Variants in UFC1 observed in about 807,000 individuals in gnomAD.
UFC1 encodes ubiquitin-fold modifier conjugating enzyme 1.
UFC1 carries 22 observed loss-of-function variants against 28.0 expected under a neutral mutation model. That is an observed-to-expected ratio of 0.78 (90% confidence interval 0.56 to 1.12). The LOEUF (loss-of-function observed/expected upper bound fraction) is 1.12, where lower values mean the gene tolerates loss of function less well. Among genes scored for constraint, UFC1 ranks in the 50% most tolerant of loss-of-function variants. The pLI, the probability that UFC1 is intolerant of heterozygous loss-of-function variation, is 0.00. For synonymous variants in UFC1, 61 were observed against 74.5 expected, an observed-to-expected ratio of 0.82 and a Z score of 0.93; for missense variants, 189 against 207.8, an observed-to-expected ratio of 0.91 and a Z score of 0.56.
chr1:161,154,261 C>T (rs1657445355), intron 1 of UFC1, 141 bp downstream of exon 1: 1 of 1,383,174 alleles, frequency 7.2e-7, no homozygotes, highest in Admixed American at 2.1e-5. Context: ...TATTGTGGGG[C>T]TCGGGGACTA....
At chr1:161,157,991 G>T in intron 4 of UFC1, 130 bp from the exon 5 acceptor site, 1 of 817,486 alleles carries the variant, frequency 1.2e-6, no homozygotes, top group Non-Finnish European at 2.0e-6. Flanking sequence ...CCTTTGCTGA[G>T]CCTAAGCAAA....
intron 3 of UFC1, 61 bp downstream of exon 3, chr1:161,157,378 TA>T: frequency 6.3e-7 from 1 of 1,589,662 alleles, no homozygotes; most frequent in Non-Finnish European, 8.6e-7. Context: ...AGATGATGGG[TA>T]ACAAGCTATC....
At position 161,158,586 on chromosome 1, in the gene UFC1, C is replaced by T. The variant is rs1216269669; in HGVS notation, c.*94C>T. Reference sequence around the variant, plus strand: ...CACTTAACTCATCTAACTGCTTCCCCGGACACCCTCCACCTCTAGTTGTTA... The same window carrying T: ...CACTTAACTCATCTAACTGCTTCCCTGGACACCCTCCACCTCTAGTTGTTA... On this transcript the variant is annotated 3_prime_UTR_variant, in exon 6 of 6. Coordinates refer to ENST00000368003, the MANE Select transcript of UFC1 (RefSeq NM_016406.4). The T allele has an allele frequency of 2.2e-6, 3 of 1,335,602 alleles. No individual in the cohort carries two copies. The highest frequency in any genetic ancestry group is 1.4e-5 in the African/African-American group (1 of 69,354). The allele number at this position is 1,335,602 out of a possible 1,614,324, so 82.7% of individuals were successfully genotyped here.
Position 161,158,761 on chromosome 1 carries a change from T to TG in UFC1, c.*270dup. ...ATATCCGCCCCCAGGTGGAGCAACA[T>TG]GCGATTCTGGAGGCACGGGGGTAAC... On this transcript the variant is annotated 3_prime_UTR_variant, in exon 6 of 6. Coordinates refer to ENST00000368003, the MANE Select transcript of UFC1 (RefSeq NM_016406.4). 1 of 470,098 alleles carries TG rather than the reference T, an allele frequency of 2.1e-6. No homozygotes were observed. The highest frequency in any genetic ancestry group is 3.9e-6 in the Non-Finnish European group (1 of 255,776). 29.1% of individuals were successfully genotyped at this position (470,098 alleles called of 1,614,324 possible).
intron 1 of UFC1, among the ~76,000 whole-genome samples, chr1:161,155,142 A>G (rs2101788867): frequency 6.6e-6 from 1 of 152,364 alleles, no homozygotes; most frequent in Middle Eastern, 3.4e-3. Context: ...GGACAGATAT[A>G]AAGCGAGAAA....
intron 1 of UFC1, among the ~76,000 whole-genome samples, chr1:161,156,455 C>T (rs1657507171): frequency 1.4e-5 from 2 of 146,510 alleles, no homozygotes; most frequent in South Asian, 2.2e-4. Context: ...AGGAGAATGG[C>T]GTGAACCCAG....
At chr1:161,155,379 G>A (rs901740829) in intron 1 of UFC1, among the ~76,000 whole-genome samples, 3 of 152,238 alleles carry the variant, frequency 2.0e-5, no homozygotes, top group African/African-American at 7.2e-5. Flanking sequence ...AAGAAACAAA[G>A]TAGCTCAGAG....
intron 4 of UFC1, 111 bp downstream of exon 4, chr1:161,157,804 TG>T (rs1657578300): frequency 2.8e-5 from 25 of 891,188 alleles, no homozygotes; most frequent in Non-Finnish European, 4.4e-5. Context: ...GCTTGATGTC[TG>T]GGTGATGGGA....
At chr1:161,155,897 G>A (rs531286222) in intron 1 of UFC1, among the ~76,000 whole-genome samples, 6 of 152,288 alleles carry the variant, frequency 3.9e-5, no homozygotes, top group African/African-American at 1.2e-4. Context: ...AGGTCAAAAC[G>A]TCAACATACA....
chr1:161,156,982 T>C lies in UFC1; in HGVS notation c.156T>C (p.Asp52=). 1.2e-6 allele frequency: 2 copies of C among 1,614,170 alleles called. No homozygotes were observed. The highest frequency in any genetic ancestry group is 1.7e-6 in the Non-Finnish European group (2 of 1,180,010). ...AGAACAACAAGAATGCTGACAACGA[T>C]TGGTTCCGACTGGAGTCCAACAAGG... is the stretch of plus-strand genomic sequence containing the variant. ...YVENNKNADN[D]WFRLESNKEG... The change falls in exon 2 of 6, where the codon GAT becomes GAC. Residue 52 remains aspartate, a synonymous_variant. Transcript: ENST00000368003.
intron 2 of UFC1, 112 bp from the exon 3 acceptor site, chr1:161,157,142 G>C (rs1657534387): frequency 6.6e-7 from 1 of 1,520,254 alleles, no homozygotes; most frequent in African/African-American, 1.4e-5. Flanking sequence ...CACAGCGCCA[G>C]AGTTCCCCAG....
At chr1:161,157,409 G>C in intron 3 of UFC1, 92 bp downstream of exon 3, 11 of 1,538,062 alleles carry the variant, frequency 7.2e-6, no homozygotes, top group African/African-American at 1.4e-5. Context: ...AGGGACCAAA[G>C]AAAACTTTAA....
chr1:161,158,077 G>A (rs755631857), intron 4 of UFC1, 44 bp from the exon 5 acceptor site: 5 of 1,544,550 alleles, frequency 3.2e-6, no homozygotes, highest in Non-Finnish European at 3.6e-6. Flanking sequence ...TGTGCTTTAT[G>A]GTAAACTTTG....
At chr1:161,157,899 T>C (rs1657583322) in intron 4 of UFC1, 3 of 622,172 alleles carry the variant, frequency 4.8e-6, no homozygotes, top group African/African-American at 1.9e-5. Flanking sequence ...ACTTAAAAGA[T>C]GTAAGGAAAA....
At position 161,157,676 on chromosome 1, in the gene UFC1, GAC is replaced by G; in HGVS notation, c.317_318del (p.Thr106SerfsTer46). On this transcript the variant is annotated frameshift_variant, in exon 4 of 6. Transcript: ENST00000368003. LOFTEE classifies it high-confidence loss of function. ...TTGCAGTTCCTGAGCTGGATGGAAA[GAC>G]AGCAAAGATGTACAGGTAGGACTGA... ...EIAVPELDGK[T>X]AKMYRGGKIC... is the part of the protein sequence containing the mutation. The G allele has an allele frequency of 6.2e-7, 1 of 1,613,982 alleles. No homozygotes were observed. The highest frequency in any genetic ancestry group is 8.5e-7 in the Non-Finnish European group (1 of 1,179,896).
At chr1:161,157,720 A>C (rs1657562425) in intron 4 of UFC1, 27 bp downstream of exon 4, 5 of 1,597,694 alleles carry the variant, frequency 3.1e-6, no homozygotes, top group Non-Finnish European at 4.3e-6. Flanking sequence ...GATGGCAAAG[A>C]GTCAAAGAAA....
chr1:161,155,804 A>G (rs1657490087), intron 1 of UFC1, among the ~76,000 whole-genome samples: 1 of 152,238 alleles, frequency 6.6e-6, no homozygotes, highest in Non-Finnish European at 1.5e-5. Context: ...TTGATAATTC[A>G]GGAGGATAAT....
chr1:161,157,820 C>T (rs912923745), intron 4 of UFC1, 127 bp downstream of exon 4: 1 of 794,714 alleles, frequency 1.3e-6, no homozygotes, highest in East Asian at 2.7e-5. Flanking sequence ...ATGGGATGAT[C>T]TATGTGTAAA....
intron 3 of UFC1, 25 bp downstream of exon 3, chr1:161,157,342 TGAA>T: frequency 6.2e-7 from 1 of 1,613,582 alleles, no homozygotes; most frequent in Non-Finnish European, 8.5e-7. Context: ...GTGGGAAATA[TGAA>T]GGTTAGTAGA....
Sources: allele counts gnomAD v4.1 joint callset (sites outside exome capture counted in the v4.1 genomes callset), GRCh38; gene constraint gnomAD v4.1.1; transcripts MANE v1.5; gene names NCBI Gene and HGNC (gene_info 2026-07-23, HGNC 2026-07-21).